Variants in DENND5B observed in about 807,000 individuals in gnomAD.
DENND5B encodes DENN domain containing 5B.
DENND5B carries 34 observed loss-of-function variants against 140.6 expected under a neutral mutation model. That is an observed-to-expected ratio of 0.24 (90% confidence interval 0.18 to 0.32). The LOEUF is 0.32. Among genes scored for constraint, DENND5B ranks in the 10% least tolerant of loss-of-function variants. The pLI is 1.00. For missense variants in DENND5B, 1,142 were observed against 1,560.2 expected, an observed-to-expected ratio of 0.73 and a Z score of 4.52; for synonymous variants, 551 against 562.1, an observed-to-expected ratio of 0.98 and a Z score of 0.28.
chr12:31,425,815 G>C (rs562232315), intron 9 of DENND5B, among the ~76,000 whole-genome samples: 11 of 152,294 alleles, frequency 7.2e-5, no homozygotes, highest in African/African-American at 2.6e-4. Context: ...TTGTCAATTT[G>C]TACTGCTACC....
chr12:31,574,295 A>AATAATAATAATAATAATTATT lies in DENND5B; in HGVS notation c.127+16410_127+16411insAATAATTATTATTATTATTAT, dbSNP rs374578025. ...TAATAATAATAATAATAATAATAAT[A>AATAATAATAATAATAATTATT]ATTTAAAAGGGAGGTGGCCAGGCGC... On this transcript the variant is annotated intron_variant, in intron 1 of 20. Transcript: ENST00000389082. 4.4e-3 allele frequency among the ~76,000 whole-genome samples: 640 copies of AATAATAATAATAATAATTATT among 144,574 alleles called. 3 individuals carry two copies. Among genetic ancestry groups the AATAATAATAATAATAATTATT allele is most frequent in the Non-Finnish European group, 7.0e-3 (467 of 66,650 alleles). 94.8% of individuals were successfully genotyped at this position (144,574 alleles called of 152,430 possible).
intron 1 of DENND5B, among the ~76,000 whole-genome samples, chr12:31,576,172 G>C (rs187343705): frequency 2.7e-5 from 4 of 148,630 alleles, no homozygotes; most frequent in African/African-American, 9.9e-5. Flanking sequence ...GAATGAGGCC[G>C]CGCGCACAGG....
chr12:31,424,615 C>T lies in DENND5B; in HGVS notation c.2311G>A (p.Gly771Ser), dbSNP rs1478863675. 7 of 1,613,936 alleles carry T rather than the reference C, an allele frequency of 4.3e-6. No individual in the cohort carries two copies. Among genetic ancestry groups the T allele is most frequent in the South Asian group, 2.2e-5 (2 of 91,072 alleles). Residue 771 changes from glycine to serine, a missense_variant, in exon 10 of 21, where the codon GGC (glycine) becomes AGC (serine). Gly to Ser is a moderately conservative substitution (Grantham distance 56). Transcript: ENST00000389082. Reference protein sequence around the residue: ...ELGHGEANITGLEENTLIASL... With the variant: ...ELGHGEANITSLEENTLIASL... Reference sequence around the variant, plus strand: ...GCGATCAAGGTGTTCTCCTCCAGGCCGGTGATGTTTGCTTCTCCATGGCCA... The same window carrying T: ...GCGATCAAGGTGTTCTCCTCCAGGCTGGTGATGTTTGCTTCTCCATGGCCA...
intron 4 of DENND5B, among the ~76,000 whole-genome samples, chr12:31,453,498 G>C (rs1359511165): frequency 6.6e-6 from 1 of 152,138 alleles, no homozygotes; most frequent in Non-Finnish European, 1.5e-5. Flanking sequence ...TCTTAATCAG[G>C]ACAAGGTTGT....
chr12:31,504,691 T>C (rs1257051701), intron 1 of DENND5B, among the ~76,000 whole-genome samples: 1 of 152,140 alleles, frequency 6.6e-6, no homozygotes, highest in East Asian at 1.9e-4. Flanking sequence ...AGAGACTTTC[T>C]CCACAAAACA....
chr12:31,557,434 A>C (rs1949325113), intron 1 of DENND5B, among the ~76,000 whole-genome samples: 1 of 151,978 alleles, frequency 6.6e-6, no homozygotes, highest in Non-Finnish European at 1.5e-5. Flanking sequence ...GCTGGAGTGC[A>C]GTGGCATGCT....
intron 14 of DENND5B, among the ~76,000 whole-genome samples, chr12:31,405,819 T>G (rs1266866915): frequency 2.6e-5 from 4 of 151,716 alleles, no homozygotes; most frequent in African/African-American, 7.3e-5. Context: ...GTGCTGGGAT[T>G]ACAGGTGTGA....
At chr12:31,516,060 G>C (rs1406953818) in intron 1 of DENND5B, among the ~76,000 whole-genome samples, 3 of 152,094 alleles carry the variant, frequency 2.0e-5, no homozygotes, top group Non-Finnish European at 4.4e-5. Flanking sequence ...ATGAAAACTA[G>C]GTTGCCCCTT....
At chr12:31,493,379 C>A (rs1194714244) in intron 2 of DENND5B, among the ~76,000 whole-genome samples, 3 of 152,132 alleles carry the variant, frequency 2.0e-5, no homozygotes, top group East Asian at 3.8e-4. Context: ...ATAATGGAGT[C>A]TTTTAACAAT....
At chr12:31,464,385 ACTT>A (rs1945159618) in intron 3 of DENND5B, among the ~76,000 whole-genome samples, 1 of 151,914 alleles carries the variant, frequency 6.6e-6, no homozygotes, top group Non-Finnish European at 1.5e-5. Flanking sequence ...CTTCCCTAAC[ACTT>A]CTTATTATCA....
chr12:31,568,497 T>C (rs1224874234), intron 1 of DENND5B, among the ~76,000 whole-genome samples: 1 of 152,174 alleles, frequency 6.6e-6, no homozygotes, highest in Non-Finnish European at 1.5e-5. Flanking sequence ...CTTGCCACAC[T>C]GATTTGTTAA....
intron 3 of DENND5B, among the ~76,000 whole-genome samples, chr12:31,471,149 A>T (rs918787297): frequency 6.7e-6 from 1 of 150,306 alleles, no homozygotes; most frequent in African/African-American, 2.5e-5. Context: ...AGGGCGTGAC[A>T]ACTAGCCTCA....
At chr12:31,496,967 CA>C (rs1423797511) in intron 1 of DENND5B, among the ~76,000 whole-genome samples, 7 of 151,910 alleles carry the variant, frequency 4.6e-5, no homozygotes, top group African/African-American at 1.7e-4. Flanking sequence ...TAATTAAGTG[CA>C]AAATACTAGC....
intron 1 of DENND5B, among the ~76,000 whole-genome samples, chr12:31,513,808 G>T (rs950366298): frequency 1.3e-5 from 2 of 151,096 alleles, no homozygotes; most frequent in African/African-American, 2.4e-5. Context: ...GACCTCTGGG[G>T]TGTCATTGCT....
chr12:31,389,150 T>C (rs1372725720), intron 20 of DENND5B, among the ~76,000 whole-genome samples, 174 bp downstream of exon 20: 4 of 152,198 alleles, frequency 2.6e-5, no homozygotes, highest in Admixed American at 1.3e-4. Context: ...TGAGCCAAGA[T>C]TATGCCACGG....
At chr12:31,506,411 C>T (rs1163277179) in intron 1 of DENND5B, 1 of 152,174 alleles carries the variant, frequency 6.6e-6, no homozygotes, top group Non-Finnish European at 1.5e-5. Flanking sequence ...TGCCTAAATA[C>T]ACTTGCAATT....
At chr12:31,425,228 C>G (rs1200897777) in intron 9 of DENND5B, among the ~76,000 whole-genome samples, 1 of 152,194 alleles carries the variant, frequency 6.6e-6, no homozygotes, top group Non-Finnish European at 1.5e-5. Context: ...AGAAGAATTG[C>G]TTGAACCCAG....
intron 6 of DENND5B, among the ~76,000 whole-genome samples, 196 bp from the exon 7 acceptor site, chr12:31,443,121 G>C (rs1944118360): frequency 1.3e-5 from 2 of 152,228 alleles, no homozygotes; most frequent in South Asian, 4.1e-4. Flanking sequence ...TATTGCCCAG[G>C]CTGGAGTGCA....
At chr12:31,565,937 T>C (rs1201660402) in intron 1 of DENND5B, among the ~76,000 whole-genome samples, 1 of 151,288 alleles carries the variant, frequency 6.6e-6, no homozygotes, top group Non-Finnish European at 1.5e-5. Flanking sequence ...AACCCAGGAG[T>C]TTGAGACCAG....
Sources: allele counts gnomAD v4.1 joint callset (sites outside exome capture counted in the v4.1 genomes callset), GRCh38; gene constraint gnomAD v4.1.1; transcripts MANE v1.5; gene names NCBI Gene and HGNC (gene_info 2026-07-23, HGNC 2026-07-21).